The following BLACAT1 variants were observed in gnomAD, a reference collection of about 807,000 sequenced individuals.
The protein encoded by BLACAT1 is BLACAT1 overlapping LEMD1 locus, also known as bladder cancer associated transcript 1.
downstream of BLACAT1, among the ~76,000 whole-genome samples, chr1:205,439,303 G>A (rs1326502654): frequency 6.6e-6 from 1 of 152,226 alleles, no homozygotes; most frequent in Admixed American, 6.5e-5. Flanking sequence ...GATATAAAAG[G>A]AAATAACAGA....
rs1043268630 is a variant in BLACAT1, at chr1:205,448,126, C to T, written c.-36-7064G>A. 6.6e-6 allele frequency among the ~76,000 whole-genome samples: 1 copy of T among 152,154 alleles called. No homozygotes were observed. Among genetic ancestry groups the T allele is most frequent in the Non-Finnish European group, 1.5e-5 (1 of 68,026 alleles). On this transcript the variant is annotated intron_variant, in intron 1 of 1. Coordinates refer to ENST00000629624, the Ensembl canonical transcript of BLACAT1. This position sits in a 1 kb window ranked among gnomAD's most constrained non-coding sequence, Gnocchi z 4.7. ...AATCACCGGCCCAGTCTCTTCATTC[C>T]AGAGTGAGGAAACAGGGCCAGAAGG...
Position 205,450,725 on chromosome 1 carries a change from C to T in BLACAT1, c.-37+5192G>A, listed in dbSNP as rs565132715. Among the ~76,000 whole-genome samples the T allele has an allele frequency of 6.6e-6, 1 of 152,278 alleles. No homozygotes were observed. The highest frequency in any genetic ancestry group is 2.1e-4 in the South Asian group (1 of 4,812). On this transcript the variant is annotated intron_variant, in intron 1 of 1. Coordinates refer to ENST00000629624, the Ensembl canonical transcript of BLACAT1. This position sits in a 1 kb window ranked among gnomAD's most constrained non-coding sequence, Gnocchi z 4.4. ...CCAATCCCAGCCCACCTGACAAGCC[C>T]CAAGTAAGCTGTGGAAGTAGGGCAT...
intron 1 of BLACAT1, among the ~76,000 whole-genome samples, chr1:205,452,486 C>G (rs1666511051): frequency 6.6e-6 from 1 of 152,242 alleles, no homozygotes; most frequent in Non-Finnish European, 1.5e-5. Context: ...GGCTCCCTGT[C>G]ACCAGAGATC....
At chr1:205,443,458 G>C (rs559823007) in intron 1 of BLACAT1, among the ~76,000 whole-genome samples, 1 of 152,244 alleles carries the variant, frequency 6.6e-6, no homozygotes, top group South Asian at 2.1e-4. Flanking sequence ...GAAGGATGGG[G>C]AGTGAGGTCA....
downstream of BLACAT1, chr1:205,437,917 T>C (rs1231643149): frequency 6.6e-6 from 1 of 152,170 alleles, no homozygotes; most frequent in African/African-American, 2.4e-5. Context: ...TAGTTAATTA[T>C]TGCTCTTTTT....
chr1:205,448,485 C>T lies in BLACAT1; in HGVS notation c.-36-7423G>A. ...CACTCCCCTTCTCAGCACCCCCGACCCCAGACCCACCCACACTGCCTCCCT... is the reference window on the plus strand; with the variant it reads ...CACTCCCCTTCTCAGCACCCCCGACTCCAGACCCACCCACACTGCCTCCCT... On this transcript the variant is annotated intron_variant, in intron 1 of 1. Transcript: ENST00000629624. The surrounding 1 kb of genome is among the most constrained non-coding windows in gnomAD (Gnocchi z 4.7). The T allele has an allele frequency of 2.1e-6, 1 of 477,102 alleles. No homozygotes were observed. Among genetic ancestry groups the T allele is most frequent in the East Asian group, 6.1e-5 (1 of 16,296 alleles). The allele number at this position is 477,102 out of a possible 1,614,324, so 29.6% of individuals were successfully genotyped here.
intron 1 of BLACAT1, among the ~76,000 whole-genome samples, chr1:205,446,255 A>C (rs947755254): frequency 6.6e-6 from 1 of 152,210 alleles, no homozygotes; most frequent in Non-Finnish European, 1.5e-5. Flanking sequence ...TAGAATGGAG[A>C]TCCACCTTTG....
downstream of BLACAT1, among the ~76,000 whole-genome samples, chr1:205,439,131 A>T (rs1666253367): frequency 1.3e-5 from 2 of 152,190 alleles, no homozygotes; most frequent in Non-Finnish European, 2.9e-5. Flanking sequence ...CTCTGTATCA[A>T]GGTAACTTTT....
At chr1:205,444,431 C>T (rs1025032463) in intron 1 of BLACAT1, among the ~76,000 whole-genome samples, 3 of 152,068 alleles carry the variant, frequency 2.0e-5, no homozygotes, top group Non-Finnish European at 2.9e-5. Context: ...ATAGAGCATC[C>T]GTCCTCCCCC....
downstream of BLACAT1, among the ~76,000 whole-genome samples, chr1:205,438,224 G>A (rs77672065): frequency 8.4e-3 from 1,277 of 152,332 alleles, 9 homozygotes; most frequent in Non-Finnish European, 0.014. Context: ...TCACCCATCT[G>A]CAAGGAGGAA....
At chr1:205,446,966 C>T (rs191000487) in intron 1 of BLACAT1, among the ~76,000 whole-genome samples, 251 of 152,334 alleles carry the variant, frequency 1.6e-3, no homozygotes, top group African/African-American at 5.8e-3. Flanking sequence ...AAAGGAAAAC[C>T]AGTGATGGAC....
chr1:205,436,154 A>C (rs927466954), downstream of BLACAT1: 1 of 152,338 alleles, frequency 6.6e-6, no homozygotes, highest in Non-Finnish European at 1.5e-5. Flanking sequence ...GAATGAGCTG[A>C]AGGAGGAGAG....
chr1:205,439,598 C>T (rs1404758551), downstream of BLACAT1, among the ~76,000 whole-genome samples: 11 of 152,220 alleles, frequency 7.2e-5, no homozygotes, highest in Non-Finnish European at 1.6e-4. Flanking sequence ...GGAGCCCTGA[C>T]TCTCCTATCT....
intron 1 of BLACAT1, among the ~76,000 whole-genome samples, chr1:205,455,002 C>CT (rs1666545703): frequency 6.6e-6 from 1 of 152,186 alleles, no homozygotes; most frequent in Admixed American, 6.5e-5. Flanking sequence ...AGGGCTCTCC[C>CT]TTGGGCCCCC....
At chr1:205,445,216 G>T (rs1171401995) in intron 1 of BLACAT1, among the ~76,000 whole-genome samples, 2 of 152,074 alleles carry the variant, frequency 1.3e-5, no homozygotes, top group East Asian at 3.9e-4. Context: ...GGCCGCCACG[G>T]AGCCTCCTTC....
downstream of BLACAT1, chr1:205,436,625 C>T (rs1170523094): frequency 6.6e-6 from 1 of 152,192 alleles, no homozygotes; most frequent in East Asian, 1.9e-4. Context: ...ACAGCTCTCT[C>T]TTGCTCTTGC....
intron 1 of BLACAT1, among the ~76,000 whole-genome samples, chr1:205,455,556 C>T (rs1666552079): frequency 6.6e-6 from 1 of 152,204 alleles, no homozygotes; most frequent in Non-Finnish European, 1.5e-5. Context: ...GGAGGCACTC[C>T]AAGCGGGTTT....
intron 1 of BLACAT1, among the ~76,000 whole-genome samples, chr1:205,442,518 C>T (rs1394650858): frequency 6.6e-6 from 1 of 152,178 alleles, no homozygotes; most frequent in Non-Finnish European, 1.5e-5. Flanking sequence ...AAGCACAGTG[C>T]CCGGTGGATC....
intron 1 of BLACAT1, among the ~76,000 whole-genome samples, chr1:205,445,163 A>G (rs757117225): frequency 3.0e-4 from 45 of 152,006 alleles, no homozygotes; most frequent in Non-Finnish European, 5.6e-4. Flanking sequence ...AAGGGGGTGA[A>G]TTGGGTTTTC....
Sources: gnomAD v4.1 joint callset for allele counts (sites outside exome capture counted in the v4.1 genomes callset) on GRCh38, gnomAD v4.1.1 for gene constraint, Gnocchi (gnomAD v3.1) non-coding constraint, MANE v1.5 for transcripts, NCBI Gene and HGNC (gene_info 2026-07-23, HGNC 2026-07-21) for gene names.